The following MAST3 variants were observed in gnomAD, a reference collection of about 807,000 sequenced individuals.
MAST3 encodes the protein microtubule associated serine/threonine kinase 3.
MAST3 carries 43 observed loss-of-function variants against 127.0 expected under a neutral mutation model. The ratio of observed to expected loss-of-function variants is 0.34; its 90% confidence interval spans 0.27 to 0.44. The LOEUF (loss-of-function observed/expected upper bound fraction) is 0.44. Ranked by LOEUF, MAST3 falls within the 20% of genes least tolerant of loss-of-function variation. The pLI is 1.00. For missense variants in MAST3, 1,390 were observed against 1,919.1 expected (o/e 0.72, Z 5.15); for synonymous variants, 785 against 809.2 (o/e 0.97, Z 0.51).
intron 1 of MAST3, among the ~76,000 whole-genome samples, chr19:18,103,267 A>T (rs988268321): frequency 6.6e-6 from 1 of 152,140 alleles, no homozygotes; most frequent in Non-Finnish European, 1.5e-5. Flanking sequence ...GGCCAGGCAC[A>T]GTGGCTCATG....
At chr19:18,108,002 A>G (rs546314690) in intron 2 of MAST3, among the ~76,000 whole-genome samples, 1 of 152,220 alleles carries the variant, frequency 6.6e-6, no homozygotes, top group East Asian at 1.9e-4. Context: ...GCAGAAAATC[A>G]TCTCTCAGCT....
chr19:18,141,909 G>T lies in MAST3; in HGVS notation c.2233G>T (p.Val745Phe). ...KVYSSSEFLA[V>F]QPTPTFAERS... ...CTACAGCAGCTCTGAGTTCCTGGCC[G>T]TCCAGCCCACTCCTACCTTCGCTGA... Residue 745 changes from valine to phenylalanine, a missense_variant, in exon 21 of 28, where the codon GTC becomes TTC. This residue lies in a region of MAST3 where 816 missense variants were observed against 934.1 expected (regional missense o/e 0.87). Coordinates refer to ENST00000687212, the MANE Select transcript of MAST3 (RefSeq NM_001393504.1). 1.3e-6 allele frequency: 2 copies of T among 1,518,376 alleles called. No individual in the cohort carries two copies. Among genetic ancestry groups the T allele is most frequent in the Non-Finnish European group, 1.8e-6 (2 of 1,129,282 alleles). 94.1% of individuals were successfully genotyped at this position (1,518,376 alleles called of 1,614,324 possible). A position where few individuals can be genotyped will look rare whatever the true frequency, so the allele number is the denominator to read the frequency against.
chr19:18,146,389 G>A (rs943275218), intron 25 of MAST3, among the ~76,000 whole-genome samples: 1 of 152,226 alleles, frequency 6.6e-6, no homozygotes, highest in Non-Finnish European at 1.5e-5. Flanking sequence ...AGGCCATAGT[G>A]AGCTGTGATC....
chr19:18,098,432 TG>T (rs990330469), intron 1 of MAST3, among the ~76,000 whole-genome samples: 7 of 152,060 alleles, frequency 4.6e-5, no homozygotes, highest in African/African-American at 1.7e-4. Context: ...CAGTGTGACC[TG>T]GGGGGAGGGC....
At chr19:18,131,816 C>G in intron 14 of MAST3, 93 bp from the exon 15 acceptor site, 2 of 1,413,144 alleles carry the variant, frequency 1.4e-6, no homozygotes, top group Non-Finnish European at 1.9e-6. Context: ...GGAGGTAAAG[C>G]GAGGAGGATG....
chr19:18,124,336 C>T lies in MAST3; in HGVS notation c.915C>T (p.Ile305=). The change falls in exon 10 of 28, where the codon ATC becomes ATT. Residue 305 remains isoleucine (I), a synonymous_variant. Transcript: ENST00000687212. The stretch of plus-strand genomic sequence containing the variant: ...TTGTCCGGAAACTGCTGATCATCAT[C>T]TCACGGCCAGCTCGGCTGCTGGAGT... ...VQLVRKLLII[I]SRPARLLECL... 2 of 1,608,750 alleles carry T rather than the reference C, an allele frequency of 1.2e-6. No individual in the cohort carries two copies. Among genetic ancestry groups the T allele is most frequent in the Non-Finnish European group, 1.7e-6 (2 of 1,177,480 alleles).
chr19:18,149,395 G>A lies in MAST3; in HGVS notation c.3713G>A (p.Arg1238His), dbSNP rs548701638. The A allele has an allele frequency of 2.2e-4, 318 of 1,448,454 alleles. No individual in the cohort carries two copies. The highest frequency in any genetic ancestry group is 2.7e-4 in the Non-Finnish European group (294 of 1,100,706). The allele number at this position is 1,448,454 out of a possible 1,614,324, so 89.7% of individuals were successfully genotyped here. Residue 1238 changes from arginine (R) to histidine (H), a missense_variant, in exon 28 of 28, where the codon CGC becomes CAC. Around this residue, in one of 5 missense-constraint regions of MAST3, gnomAD observed 816 missense variants for 934.1 expected, o/e 0.87. Transcript: ENST00000687212. The surrounding 1 kb of genome is among the most constrained non-coding windows in gnomAD (Gnocchi z 5.9). ...ACPPISAPPP[R>H]SPSPLPGHPP... Reference sequence around the variant, plus strand: ...CCGCCCATCTCCGCGCCCCCACCCCGCTCGCCCTCGCCCCTGCCCGGGCAC... The same window carrying A: ...CCGCCCATCTCCGCGCCCCCACCCCACTCGCCCTCGCCCCTGCCCGGGCAC...
rs140128983 is a variant in MAST3, at chr19:18,122,709, A to G, written c.357A>G (p.Pro119=). The stretch of plus-strand genomic sequence containing the variant: ...GAAGATGGTCCCTCGCGTCTCTCCC[A>G]TCTTCCGGCTATGGAACCAACACAC... ...DGRRWSLASL[P]SSGYGTNTPS... is the part of the protein sequence containing the mutation. Residue 119 remains proline, a synonymous_variant, in exon 6 of 28, where the codon CCA becomes CCG. Transcript: ENST00000687212. 3.0e-5 allele frequency: 49 copies of G among 1,613,410 alleles called. No homozygotes were observed. In the East Asian group the frequency reaches 9.6e-4, roughly 32 times the overall value.
chr19:18,099,051 C>T (rs958829674), intron 1 of MAST3: 9 of 293,844 alleles, frequency 3.1e-5, no homozygotes, highest in Non-Finnish European at 6.3e-5. Context: ...GAAGCTGGAA[C>T]CTAGGGAGGA....
In MAST3 at chr19:18,145,017, G is replaced by A. The variant is rs1245565688; in HGVS notation, c.2827G>A (p.Gly943Ser). The change falls in exon 24 of 28, where the codon GGC becomes AGC. Residue 943 changes from glycine (G) to serine (S), a missense_variant. Physicochemically the swap from Gly to Ser is moderately conservative, Grantham distance 56 (BLOSUM62 0). Transcript: ENST00000687212. The surrounding 1 kb of genome is among the most constrained non-coding windows in gnomAD (Gnocchi z 5.9). ...ACCCCCTGCAGATGATGGCAGCGGC[G>A]GCCCCCTCATGAGCCCCCTTTCCCC... is the stretch of plus-strand genomic sequence containing the variant. Reference protein sequence around the residue: ...LIITADDGSGGPLMSPLSPRS... With the variant: ...LIITADDGSGSPLMSPLSPRS... The A allele has an allele frequency of 6.3e-6, 10 of 1,589,462 alleles. No individual in the cohort carries two copies. Among genetic ancestry groups the A allele is most frequent in the Admixed American group, 3.3e-5 (2 of 59,848 alleles).
At position 18,123,928 on chromosome 19, in the gene MAST3, G is replaced by A. The variant is rs1456657998; in HGVS notation, c.634-11G>A. The stretch of plus-strand genomic sequence containing the variant: ...CCCTCTGACCAGGTCGCCCCGTCTC[G>A]CCCCACCCAGGCCACAGCACAGATG... On this transcript the variant is annotated splice_polypyrimidine_tract_variant and intron_variant, in intron 8 of 27. Coordinates refer to ENST00000687212, the MANE Select transcript of MAST3 (RefSeq NM_001393504.1). 6 of 1,550,450 alleles carry A rather than the reference G, an allele frequency of 3.9e-6. No individual in the cohort carries two copies. Among genetic ancestry groups the A allele is most frequent in the African/African-American group, 1.4e-5 (1 of 73,346 alleles).
chr19:18,106,917 C>T (rs1157784047), intron 1 of MAST3, among the ~76,000 whole-genome samples: 2 of 150,846 alleles, frequency 1.3e-5, no homozygotes, highest in Non-Finnish European at 2.9e-5. Flanking sequence ...CCTCCCACCT[C>T]AGCCCCCCAA....
chr19:18,103,327 C>T (rs1458347300), intron 1 of MAST3, among the ~76,000 whole-genome samples: 1 of 152,150 alleles, frequency 6.6e-6, no homozygotes, highest in Non-Finnish European at 1.5e-5. Context: ...TGCTTGAGGT[C>T]AGGAGGTCAA....
chr19:18,103,773 C>G (rs1416775657), intron 1 of MAST3, among the ~76,000 whole-genome samples: 2 of 152,136 alleles, frequency 1.3e-5, no homozygotes, highest in Non-Finnish European at 2.9e-5. Context: ...TCGGGTCACA[C>G]AGTGCAGGAG....
chr19:18,145,662 C>G lies in MAST3; in HGVS notation c.3040-81C>G, dbSNP rs1256266335. 2 of 1,441,788 alleles carry G rather than the reference C, an allele frequency of 1.4e-6. No homozygotes were observed. Among genetic ancestry groups the G allele is most frequent in the Admixed American group, 2.8e-5 (1 of 35,694 alleles). 89.3% of individuals were successfully genotyped at this position (1,441,788 alleles called of 1,614,324 possible). A position where few individuals can be genotyped will look rare whatever the true frequency, so the allele number is the denominator to read the frequency against. On this transcript the variant is annotated intron_variant, in intron 24 of 27. Transcript: ENST00000687212. The surrounding 1 kb of genome is among the most constrained non-coding windows in gnomAD (Gnocchi z 5.9). ...ACAAGAGGCAGCAGCTTGCTGGGGT[C>G]CCACAGCAGACCCAGCCTGGGCTGG...
chr19:18,099,824 A>T (rs1432308807), intron 1 of MAST3, among the ~76,000 whole-genome samples: 2 of 152,192 alleles, frequency 1.3e-5, no homozygotes, highest in Admixed American at 6.5e-5. Context: ...ATTTCTTAGC[A>T]CTAGAGGCTG....
chr19:18,144,421 A>G lies in MAST3; in HGVS notation c.2585-45A>G, dbSNP rs2042822534. On this transcript the variant is annotated intron_variant, in intron 22 of 27. Transcript: ENST00000687212. This position sits in a 1 kb window ranked among gnomAD's most constrained non-coding sequence, Gnocchi z 4.0. ...GGCCTTAAGGTCCCTTTAGGACCAC[A>G]TGGTGAGTTTGAGGGGCACCCAGCT... 1 of 1,490,948 alleles carries G rather than the reference A, an allele frequency of 6.7e-7. No homozygotes were observed. The highest frequency in any genetic ancestry group is 9.1e-7 in the Non-Finnish European group (1 of 1,100,642). 92.4% of individuals were successfully genotyped at this position (1,490,948 alleles called of 1,614,324 possible).
intron 19 of MAST3, 56 bp downstream of exon 19, chr19:18,137,417 C>T (rs2041996104): frequency 1.3e-6 from 2 of 1,572,224 alleles, no homozygotes; most frequent in South Asian, 1.2e-5. Context: ...TCCCTCAGTC[C>T]CTGGGGGCAG....
chr19:18,126,876 G>T (rs2040702044), intron 11 of MAST3, among the ~76,000 whole-genome samples: 2 of 152,072 alleles, frequency 1.3e-5, no homozygotes, highest in South Asian at 4.1e-4. Flanking sequence ...CGCCTCCTGG[G>T]TTCACGCCAT....
Sources: allele counts gnomAD v4.1 joint callset (sites outside exome capture counted in the v4.1 genomes callset), GRCh38; gene constraint gnomAD v4.1.1; regional missense constraint gnomAD v4.1.1; non-coding constraint Gnocchi (gnomAD v3.1); transcripts MANE v1.5; gene names NCBI Gene and HGNC (gene_info 2026-07-23, HGNC 2026-07-21).